Variants in TENM4 observed in about 807,000 individuals in gnomAD.
TENM4 encodes the protein teneurin-4.
Under a neutral mutation model 243.3 loss-of-function variants are expected in TENM4, and 82 were observed. The ratio of observed to expected loss-of-function variants is 0.34; its 90% CI spans 0.28 to 0.40. The LOEUF (loss-of-function observed/expected upper bound fraction) is 0.40, where lower values mean the gene tolerates loss of function less well. Ranked by LOEUF, TENM4 falls within the 10% of genes least tolerant of loss-of-function variation. The pLI is 1.00. For missense variants in TENM4, 3,138 were observed against 3,673.3 expected (o/e 0.85, Z 3.77); for synonymous variants, 1,412 against 1,456.3 (o/e 0.97, Z 0.69).
chr11:79,236,117 G>C (rs1044255202), intron 2 of TENM4, among the ~76,000 whole-genome samples: 2 of 152,120 alleles, frequency 1.3e-5, no homozygotes, highest in African/African-American at 4.8e-5. Context: ...TGGGGAGTGA[G>C]AGGCCTCTGA....
intron 6 of TENM4, among the ~76,000 whole-genome samples, chr11:79,039,518 T>G (rs1859466246): frequency 6.6e-6 from 1 of 152,186 alleles, no homozygotes; most frequent in African/African-American, 2.4e-5. Context: ...TAGGACTGAG[T>G]GTGTTGGTCC....
intron 15 of TENM4, among the ~76,000 whole-genome samples, chr11:78,791,859 T>C (rs1003889208): frequency 3.9e-5 from 6 of 152,334 alleles, no homozygotes; most frequent in African/African-American, 9.6e-5. Flanking sequence ...TAAATGCTAG[T>C]TGGCTTTCAC....
chr11:78,910,896 C>T (rs1006654661), intron 6 of TENM4, among the ~76,000 whole-genome samples: 4 of 152,198 alleles, frequency 2.6e-5, no homozygotes, highest in Non-Finnish European at 5.9e-5. Flanking sequence ...GATGGACTCA[C>T]ACACAAGGAA....
intron 4 of TENM4, chr11:79,096,962 A>ACACACACACACC (rs1555007890): frequency 6.8e-6 from 1 of 146,290 alleles, no homozygotes; most frequent in African/African-American, 2.5e-5. Flanking sequence ...ACACACACAC[A>ACACACACACACC]CCCTTCATGT....
chr11:79,426,240 C>A (rs1400155423), intron 1 of TENM4, among the ~76,000 whole-genome samples: 4 of 152,192 alleles, frequency 2.6e-5, no homozygotes, highest in Non-Finnish European at 5.9e-5. Context: ...TCTTGTTCCT[C>A]CCACCAGGTA....
intron 6 of TENM4, among the ~76,000 whole-genome samples, chr11:78,931,590 T>C (rs983512612): frequency 1.3e-5 from 2 of 152,240 alleles, no homozygotes; most frequent in African/African-American, 2.4e-5. Flanking sequence ...AATTGTCATC[T>C]TATTTAATCC....
At chr11:78,676,565 C>G (rs1341702105) in intron 29 of TENM4, among the ~76,000 whole-genome samples, 178 bp from the exon 30 acceptor site, 1 of 152,160 alleles carries the variant, frequency 6.6e-6, no homozygotes, top group African/African-American at 2.4e-5. Context: ...TTCTCCATAT[C>G]CAAAGAAAAC....
intron 6 of TENM4, among the ~76,000 whole-genome samples, chr11:78,977,409 A>G (rs1278594378): frequency 6.6e-6 from 1 of 152,252 alleles, no homozygotes; most frequent in African/African-American, 2.4e-5. Context: ...TCCTTGTGGA[A>G]CTTACACTAT....
chr11:78,931,261 A>G (rs1438305413), intron 6 of TENM4, among the ~76,000 whole-genome samples: 3 of 152,156 alleles, frequency 2.0e-5, no homozygotes, highest in Non-Finnish European at 4.4e-5. Context: ...TCTTTACCTC[A>G]AAGCCAGTAT....
chr11:78,826,771 G>C (rs940846008), intron 12 of TENM4, among the ~76,000 whole-genome samples: 2 of 152,134 alleles, frequency 1.3e-5, no homozygotes, highest in Non-Finnish European at 2.9e-5. Context: ...CTTCATGTTG[G>C]CTTTCATATA....
intron 2 of TENM4, among the ~76,000 whole-genome samples, chr11:79,230,272 C>T (rs1057165267): frequency 1.3e-5 from 2 of 152,200 alleles, no homozygotes; most frequent in Non-Finnish European, 2.9e-5. Flanking sequence ...GGAGGAGTAT[C>T]TCCATGTGGC....
chr11:78,989,902 A>T (rs1280649952), intron 6 of TENM4, among the ~76,000 whole-genome samples: 1 of 152,052 alleles, frequency 6.6e-6, no homozygotes, highest in East Asian at 1.9e-4. Flanking sequence ...AAAAGAAAAA[A>T]AAATACAAAA....
At chr11:79,004,726 T>A (rs367577020) in intron 6 of TENM4, among the ~76,000 whole-genome samples, 8 of 151,932 alleles carry the variant, frequency 5.3e-5, no homozygotes, top group African/African-American at 1.9e-4. Context: ...CCAAAGCTAG[T>A]AGAAGACAAG....
At chr11:78,721,877 A>T (rs1859661633) in intron 24 of TENM4, among the ~76,000 whole-genome samples, 1 of 151,988 alleles carries the variant, frequency 6.6e-6, no homozygotes, top group Admixed American at 6.6e-5. Flanking sequence ...CTCTTCCATG[A>T]CCCCTAAGCC....
At chr11:78,668,192 C>G (rs907299825) in intron 32 of TENM4, among the ~76,000 whole-genome samples, 1 of 152,020 alleles carries the variant, frequency 6.6e-6, no homozygotes, top group African/African-American at 2.4e-5. Flanking sequence ...GTTCCTTATT[C>G]TTTTTTTTCC....
chr11:79,136,813 T>A (rs1418038180), intron 4 of TENM4, among the ~76,000 whole-genome samples: 1 of 152,180 alleles, frequency 6.6e-6, no homozygotes, highest in Non-Finnish European at 1.5e-5. Flanking sequence ...AGTGGGCTCA[T>A]GCTCATGGAA....
intron 2 of TENM4, among the ~76,000 whole-genome samples, chr11:79,250,783 C>A (rs2007588): frequency 0.43 from 64,840 of 152,126 alleles, 14,122 homozygotes; most frequent in East Asian, 0.68. Flanking sequence ...TAGACAACAA[C>A]TTGCTAGGCG....
intron 1 of TENM4, among the ~76,000 whole-genome samples, chr11:79,337,139 C>T (rs1387733424): frequency 6.6e-6 from 1 of 152,248 alleles, no homozygotes; most frequent in Admixed American, 6.5e-5. Context: ...CTTGCATCCA[C>T]GTAGCAACTT....
intron 1 of TENM4, among the ~76,000 whole-genome samples, chr11:79,364,176 T>C (rs1857636605): frequency 6.6e-6 from 1 of 152,218 alleles, no homozygotes; most frequent in Non-Finnish European, 1.5e-5. Context: ...CTTAGCTCTG[T>C]CATGGAAACT....
Sources: allele counts gnomAD v4.1 joint callset (sites outside exome capture counted in the v4.1 genomes callset), GRCh38; gene constraint gnomAD v4.1.1; transcripts MANE v1.5; gene names NCBI Gene and HGNC (gene_info 2026-07-23, HGNC 2026-07-21).